The following FAM78B variants were observed in gnomAD, a reference collection of about 807,000 sequenced individuals.
The protein encoded by FAM78B is protein FAM78B.
Under a neutral mutation model 20.0 loss-of-function variants are expected in FAM78B, and 10 were observed. The ratio of observed to expected loss-of-function variants is 0.50; its 90% confidence interval spans 0.31 to 0.85. The LOEUF (loss-of-function observed/expected upper bound fraction) is 0.85. Among genes scored for constraint, FAM78B ranks in the 40% least tolerant of loss-of-function variants. The pLI is 0.05. For missense variants in FAM78B, 283 were observed against 345.0 expected (o/e 0.82, Z 1.42); for synonymous variants, 135 against 132.8 (o/e 1.02, Z -0.12).
intron 1 of FAM78B, among the ~76,000 whole-genome samples, chr1:166,154,200 CA>C (rs752024888): frequency 1.3e-5 from 2 of 152,160 alleles, no homozygotes; most frequent in African/African-American, 2.4e-5. Flanking sequence ...CTAGAGCTGC[CA>C]GGGGCTAGGA....
At chr1:166,125,691 T>A (rs1313275306) in intron 1 of FAM78B, among the ~76,000 whole-genome samples, 1 of 152,170 alleles carries the variant, frequency 6.6e-6, no homozygotes, top group Non-Finnish European at 1.5e-5. Flanking sequence ...AGTATCTGCA[T>A]ATAACCTACG....
At chr1:166,089,344 C>T (rs983318905) in intron 1 of FAM78B, among the ~76,000 whole-genome samples, 1 of 152,176 alleles carries the variant, frequency 6.6e-6, no homozygotes, top group African/African-American at 2.4e-5. Flanking sequence ...GAGGATCCAC[C>T]ACAGCCTCGG....
At chr1:166,123,773 GA>G (rs1409060159) in intron 1 of FAM78B, among the ~76,000 whole-genome samples, 3 of 152,174 alleles carry the variant, frequency 2.0e-5, no homozygotes, top group South Asian at 2.1e-4. Flanking sequence ...GGTGTTTAGA[GA>G]CCCACAACCA....
intron 1 of FAM78B, among the ~76,000 whole-genome samples, chr1:166,073,223 G>A (rs1652118856): frequency 6.6e-6 from 1 of 152,184 alleles, no homozygotes; most frequent in South Asian, 2.1e-4. Context: ...ATTGGGAATA[G>A]TGACATTGGA....
At chr1:166,131,214 A>G (rs1037026173) in intron 1 of FAM78B, among the ~76,000 whole-genome samples, 8 of 151,610 alleles carry the variant, frequency 5.3e-5, no homozygotes, top group Admixed American at 6.6e-5. Context: ...CTGGTCTGGA[A>G]CTCCTGACCC....
chr1:166,130,271 C>T (rs1406737291), intron 1 of FAM78B, among the ~76,000 whole-genome samples: 7 of 152,212 alleles, frequency 4.6e-5, no homozygotes, highest in Non-Finnish European at 8.8e-5. Context: ...AAAGCATGGA[C>T]GTAACAAGTC....
intron 1 of FAM78B, among the ~76,000 whole-genome samples, chr1:166,111,476 A>G (rs1654056971): frequency 6.6e-6 from 1 of 152,230 alleles, no homozygotes. Context: ...GCAGCTGTCT[A>G]CAGCAGTAAC....
chr1:166,109,814 GTATATATATATATATATGTATA>G (rs1653928952), intron 1 of FAM78B, among the ~76,000 whole-genome samples: 4 of 32,648 alleles, frequency 1.2e-4, no homozygotes, highest in Non-Finnish European at 2.1e-4. Context: ...ATGTATATAT[GTATATATATATATATATGTATA>G]TATGTATATA....
At chr1:166,105,011 A>T (rs1571165953) in intron 1 of FAM78B, among the ~76,000 whole-genome samples, 5 of 152,346 alleles carry the variant, frequency 3.3e-5, no homozygotes, top group African/African-American at 1.2e-4. Context: ...ACAGACATAT[A>T]GACCAATGGA....
chr1:166,137,173 T>C (rs563126395), intron 1 of FAM78B, among the ~76,000 whole-genome samples: 143 of 152,314 alleles, frequency 9.4e-4, no homozygotes, highest in Non-Finnish European at 1.6e-3. Flanking sequence ...GAGAGCTAGT[T>C]GAGGAATGGC....
At chr1:166,131,167 T>A (rs545514881) in intron 1 of FAM78B, among the ~76,000 whole-genome samples, 1 of 152,040 alleles carries the variant, frequency 6.6e-6, no homozygotes, top group South Asian at 2.1e-4. Context: ...AATTTTTGTA[T>A]TTTTAGTAGA....
chr1:166,163,571 GGTGAAAAAT>G (rs1447392315), intron 1 of FAM78B, among the ~76,000 whole-genome samples: 2 of 152,156 alleles, frequency 1.3e-5, no homozygotes, highest in Non-Finnish European at 2.9e-5. Context: ...ACTGCACAGA[GGTGAAAAAT>G]CACTCCATGC....
exon 3 of FAM78B, chr1:166,059,594 T>G (rs1426194647): frequency 6.6e-6 from 1 of 152,218 alleles, no homozygotes; most frequent in Non-Finnish European, 1.5e-5. Context: ...TGTTCTGCAC[T>G]GTTAGGCTGA....
At chr1:166,134,903 C>T (rs1476660164) in intron 1 of FAM78B, among the ~76,000 whole-genome samples, 3 of 152,178 alleles carry the variant, frequency 2.0e-5, no homozygotes, top group Non-Finnish European at 2.9e-5. Flanking sequence ...CTACCTACAG[C>T]GTAAAGTACT....
chr1:166,095,506 T>C (rs957358796), intron 1 of FAM78B, among the ~76,000 whole-genome samples: 1 of 152,098 alleles, frequency 6.6e-6, no homozygotes, highest in Non-Finnish European at 1.5e-5. Flanking sequence ...GGGGCATGTG[T>C]ACTCTTCCTA....
intron 1 of FAM78B, among the ~76,000 whole-genome samples, chr1:166,078,551 A>C (rs1366637249): frequency 1.3e-5 from 2 of 152,230 alleles, no homozygotes; most frequent in Non-Finnish European, 2.9e-5. Context: ...ACATCATGTT[A>C]AGCATTTCAT....
At chr1:166,155,601 C>A (rs1571211183) in intron 1 of FAM78B, among the ~76,000 whole-genome samples, 1 of 152,278 alleles carries the variant, frequency 6.6e-6, no homozygotes, top group Non-Finnish European at 1.5e-5. Context: ...ATAACTTCAA[C>A]AGGAGGTTGG....
At chr1:166,130,915 G>T (rs1654848295) in intron 1 of FAM78B, among the ~76,000 whole-genome samples, 1 of 151,494 alleles carries the variant, frequency 6.6e-6, no homozygotes, top group Non-Finnish European at 1.5e-5. Flanking sequence ...ACTAAGCTTG[G>T]CCGATGTCAC....
At chr1:166,109,888 A>ATATATATGTATATATG (rs1553219474) in intron 1 of FAM78B, among the ~76,000 whole-genome samples, 2 of 27,610 alleles carry the variant, frequency 7.2e-5, no homozygotes, top group African/African-American at 1.7e-4. Flanking sequence ...ATATGTATAT[A>ATATATATGTATATATG]TGTATATATA....
Sources: gnomAD v4.1 joint callset for allele counts (sites outside exome capture counted in the v4.1 genomes callset) on GRCh38, gnomAD v4.1.1 for gene constraint, MANE v1.5 for transcripts, NCBI Gene and HGNC (gene_info 2026-07-23, HGNC 2026-07-21) for gene names.